TYW1: variants seen among roughly 807,000 people sequenced by gnomAD.
The protein encoded by TYW1 is tRNA-yW synthesizing protein 1 homolog.
TYW1 carries 46 observed loss-of-function variants against 96.2 expected under a neutral mutation model. The ratio of observed to expected loss-of-function variants is 0.48; its 90% CI spans 0.38 to 0.61. The LOEUF is 0.61. TYW1 is among the 20% of genes least tolerant of loss of function. The pLI, the probability that TYW1 is intolerant of heterozygous loss-of-function variation, is 0.00. For synonymous variants in TYW1, 274 were observed against 323.0 expected (o/e 0.85, Z 1.63); for missense variants, 684 against 909.6 (o/e 0.75, Z 3.19).
At position 67,032,161 on chromosome 7, in the gene TYW1, C is replaced by A. The variant is rs571830198; in HGVS notation, c.984+7139C>A. Among the ~76,000 whole-genome samples, 25 of 152,072 alleles carry A rather than the reference C, an allele frequency of 1.6e-4. 1 individual carries two copies. Among genetic ancestry groups the A allele is most frequent in the African/African-American group, 5.8e-4 (24 of 41,498 alleles). ...TAGTCTTGGATCAAAGAGAAAAGAC[C>A]ATTGTCTGGACATTTTGGGAAATTT... On this transcript the variant is annotated intron_variant, in intron 7 of 15. Coordinates refer to ENST00000359626, the MANE Select transcript of TYW1 (RefSeq NM_018264.4).
chr7:67,167,196 G>A (rs759388258), intron 13 of TYW1, among the ~76,000 whole-genome samples: 10 of 152,070 alleles, frequency 6.6e-5, no homozygotes, highest in Non-Finnish European at 1.5e-4. Flanking sequence ...ATGGCCGGGC[G>A]CGGCGGCTCA....
intron 13 of TYW1, among the ~76,000 whole-genome samples, chr7:67,156,898 G>A (rs2116195805): frequency 6.6e-6 from 1 of 151,742 alleles, no homozygotes; most frequent in South Asian, 2.1e-4. Context: ...GAGAGCTGAG[G>A]GACTCTTCTG....
At chr7:67,118,877 TGAAAAAAAAAAAA>T (rs1797678113) in intron 13 of TYW1, among the ~76,000 whole-genome samples, 2 of 50,016 alleles carry the variant, frequency 4.0e-5, no homozygotes, top group South Asian at 6.7e-4. Flanking sequence ...GACCCCTATC[TGAAAAAAAAAAAA>T]AAAAAAAAAA....
intron 10 of TYW1, among the ~76,000 whole-genome samples, chr7:67,073,683 A>AGAACTGCTT (rs1796108296): frequency 7.1e-6 from 1 of 141,142 alleles, no homozygotes; most frequent in Non-Finnish European, 1.5e-5. Flanking sequence ...CTGAGGCAGG[A>AGAACTGCTT]GAACTGCTTG....
At chr7:67,103,082 G>A (rs1413849061) in intron 12 of TYW1, among the ~76,000 whole-genome samples, 3 of 152,202 alleles carry the variant, frequency 2.0e-5, no homozygotes, top group African/African-American at 7.2e-5. Flanking sequence ...TATGTAGAAA[G>A]TAGCCATTCT....
At chr7:67,140,876 T>A (rs541610231) in intron 13 of TYW1, among the ~76,000 whole-genome samples, 30 of 152,318 alleles carry the variant, frequency 2.0e-4, no homozygotes, top group Admixed American at 4.6e-4. Flanking sequence ...TTAAAATAAG[T>A]TATGGTTCAA....
intron 13 of TYW1, among the ~76,000 whole-genome samples, chr7:67,164,608 CAAA>C (rs68160921): frequency 3.5e-5 from 4 of 113,850 alleles, no homozygotes; most frequent in Non-Finnish European, 2.0e-5. Context: ...AAAACTGTCT[CAAA>C]AAAAAAAAAA....
At chr7:67,081,707 C>T (rs1279064106) in intron 10 of TYW1, among the ~76,000 whole-genome samples, 1 of 150,474 alleles carries the variant, frequency 6.6e-6, no homozygotes, top group Non-Finnish European at 1.5e-5. Context: ...CTTCCTTCTC[C>T]CTTCTCTCTT....
chr7:66,997,730 A>G (rs1403940098), intron 1 of TYW1, among the ~76,000 whole-genome samples: 2 of 149,146 alleles, frequency 1.3e-5, no homozygotes, highest in Non-Finnish European at 3.0e-5. Context: ...CCAGGTTCAA[A>G]CAGTTCTCCT....
chr7:67,016,599 A>G (rs1387194440), intron 5 of TYW1, among the ~76,000 whole-genome samples: 1 of 152,164 alleles, frequency 6.6e-6, no homozygotes, highest in African/African-American at 2.4e-5. Context: ...TTGTTGTGTC[A>G]CAATGTAGAT....
intron 15 of TYW1, among the ~76,000 whole-genome samples, chr7:67,204,379 CATTT>C (rs1800700685): frequency 6.6e-6 from 1 of 151,958 alleles, no homozygotes; most frequent in Admixed American, 6.6e-5. Flanking sequence ...TCTGTTGAAC[CATTT>C]ATTATTTTAG....
chr7:67,013,928 A>G (rs928613834), intron 4 of TYW1, among the ~76,000 whole-genome samples: 6 of 151,718 alleles, frequency 4.0e-5, no homozygotes, highest in African/African-American at 1.2e-4. Context: ...TATTTTTAGT[A>G]GAGACGAGGT....
At chr7:67,088,778 C>T (rs566151916) in intron 11 of TYW1, among the ~76,000 whole-genome samples, 48 of 152,262 alleles carry the variant, frequency 3.2e-4, no homozygotes, top group Non-Finnish European at 6.3e-4. Context: ...CTATGTTGCC[C>T]AGTCTGATCT....
In TYW1 at chr7:66,996,871, C is replaced by T. The variant is rs555735791; in HGVS notation, c.-108C>T. ...GGCTGCCCACAGGTCTGCAGGCACT[C>T]GGTACGCCGCTAACGCGGCGAGGTA... is the stretch of plus-strand genomic sequence containing the variant. On this transcript the variant is annotated 5_prime_UTR_variant, in exon 1 of 16. Transcript: ENST00000359626. 4.4e-5 allele frequency: 70 copies of T among 1,582,900 alleles called. No individual in the cohort carries two copies. In the South Asian group the frequency reaches 6.9e-4, roughly 16 times the overall value.
chr7:67,073,573 C>T (rs1481806175), intron 10 of TYW1, among the ~76,000 whole-genome samples: 1 of 151,280 alleles, frequency 6.6e-6, no homozygotes, highest in Non-Finnish European at 1.5e-5. Flanking sequence ...AGTTCAAGAC[C>T]AGCCTGGCCA....
intron 13 of TYW1, among the ~76,000 whole-genome samples, chr7:67,132,546 A>T (rs1798115020): frequency 6.6e-6 from 1 of 152,030 alleles, no homozygotes; most frequent in South Asian, 2.1e-4. Context: ...ATTTTTGACC[A>T]TTTTTTTAAA....
At chr7:67,036,613 C>T (rs1794850515) in intron 7 of TYW1, among the ~76,000 whole-genome samples, 1 of 152,212 alleles carries the variant, frequency 6.6e-6, no homozygotes, top group Admixed American at 6.5e-5. Context: ...GAGGTGACCG[C>T]ACTTGCTGGA....
chr7:67,094,622 G>A (rs983162607), intron 11 of TYW1, among the ~76,000 whole-genome samples: 3 of 149,566 alleles, frequency 2.0e-5, no homozygotes, highest in Non-Finnish European at 4.4e-5. Flanking sequence ...TATTTCTAAG[G>A]TGTGGGAGGA....
At chr7:67,014,762 T>C (rs1793957618) in intron 5 of TYW1, among the ~76,000 whole-genome samples, 2 of 152,248 alleles carry the variant, frequency 1.3e-5, no homozygotes, top group African/African-American at 2.4e-5. Flanking sequence ...AGAGTTTTGC[T>C]CTGTCGCCCA....
Sources: allele counts gnomAD v4.1 joint callset (sites outside exome capture counted in the v4.1 genomes callset), GRCh38; gene constraint gnomAD v4.1.1; transcripts MANE v1.5; gene names NCBI Gene and HGNC (gene_info 2026-07-23, HGNC 2026-07-21).